The following BCKDHB variants were observed in gnomAD, a reference collection of about 807,000 sequenced individuals.
BCKDHB encodes 2-oxoisovalerate dehydrogenase subunit beta, mitochondrial.
A neutral mutation model predicts 48.5 loss-of-function variants in BCKDHB; 41 were observed. The ratio of observed to expected loss-of-function variants is 0.85; its 90% CI spans 0.66 to 1.10. The LOEUF is 1.10. Ranked by LOEUF, BCKDHB falls within the 50% of genes least tolerant of loss-of-function variation. The probability of loss-of-function intolerance (pLI) is 0.00; values close to 1 mark genes in which losing one functional copy is unlikely to be tolerated. For synonymous variants in BCKDHB, 201 were observed against 174.8 expected (o/e 1.15, Z -1.18); for missense variants, 496 against 494.2 (o/e 1.00, Z -0.03).
downstream of BCKDHB, among the ~76,000 whole-genome samples, chr6:80,350,151 A>C (rs1291683894): frequency 6.6e-6 from 1 of 152,120 alleles, no homozygotes; most frequent in East Asian, 1.9e-4. Flanking sequence ...GAAACTGTGG[A>C]GCCAAGAAGG....
At chr6:80,175,955 C>G (rs944845619) in intron 6 of BCKDHB, among the ~76,000 whole-genome samples, 2 of 152,114 alleles carry the variant, frequency 1.3e-5, no homozygotes, top group Non-Finnish European at 2.9e-5. Context: ...GGAACAAGAA[C>G]AAAATAGAAC....
intron 6 of BCKDHB, among the ~76,000 whole-genome samples, chr6:80,192,738 A>C (rs1773954438): frequency 6.6e-6 from 1 of 152,120 alleles, no homozygotes; most frequent in Admixed American, 6.6e-5. Flanking sequence ...AGACAGGGAA[A>C]TGTAATGAAG....
In BCKDHB at chr6:80,344,152, C is replaced by T. The variant is rs1770068380; in HGVS notation, c.*348C>T. The T allele has an allele frequency of 6.5e-6, 2 of 308,542 alleles. No homozygotes were observed. Among genetic ancestry groups the T allele is most frequent in the South Asian group, 6.0e-5 (2 of 33,342 alleles). 19.1% of individuals were successfully genotyped at this position (308,542 alleles called of 1,614,324 possible). A position where few individuals can be genotyped will look rare whatever the true frequency, so the allele number is the denominator to read the frequency against. On this transcript the variant is annotated 3_prime_UTR_variant, in exon 10 of 10. Transcript: ENST00000320393. ...GCTGAGTAGTTGGGATTACAGGCGCCCACCACCATGCCCAGCTAATTTTTG... is the reference window on the plus strand; with the variant it reads ...GCTGAGTAGTTGGGATTACAGGCGCTCACCACCATGCCCAGCTAATTTTTG...
At chr6:80,414,359 T>C in the BCKDHB span, among the ~76,000 whole-genome samples, 3 of 152,092 alleles carry the variant, frequency 2.0e-5, no homozygotes, top group Non-Finnish European at 2.9e-5. Flanking sequence ...CTTCAGGAAA[T>C]ATTTTTCAGT....
At chr6:80,347,302 G>A (rs578246728), downstream of BCKDHB, among the ~76,000 whole-genome samples, 4 of 152,332 alleles carry the variant, frequency 2.6e-5, no homozygotes, top group African/African-American at 9.6e-5. Flanking sequence ...TCAGCAACAA[G>A]TTTGGAAAAG....
At chr6:80,246,371 A>ATCC (rs1391202701) in intron 8 of BCKDHB, among the ~76,000 whole-genome samples, 4 of 152,240 alleles carry the variant, frequency 2.6e-5, no homozygotes, top group Non-Finnish European at 5.9e-5. Flanking sequence ...TCTTCATGTT[A>ATCC]TCCTGCATTG....
At chr6:80,456,310 C>T in the BCKDHB span, among the ~76,000 whole-genome samples, 1 of 151,850 alleles carries the variant, frequency 6.6e-6, no homozygotes, top group African/African-American at 2.4e-5. Flanking sequence ...GATGTCCATA[C>T]GTTGAATAAA....
intron 9 of BCKDHB, among the ~76,000 whole-genome samples, chr6:80,322,508 A>G (rs1221598174): frequency 1.3e-5 from 2 of 152,118 alleles, no homozygotes; most frequent in Non-Finnish European, 2.9e-5. Context: ...AAGTGCTGGG[A>G]TTACAGGCAT....
chr6:80,198,316 C>G (rs1304323082), intron 6 of BCKDHB, among the ~76,000 whole-genome samples: 1 of 152,168 alleles, frequency 6.6e-6, no homozygotes, highest in Admixed American at 6.5e-5. Flanking sequence ...TTGGGAGCTA[C>G]ACAAAAACTT....
the BCKDHB span, among the ~76,000 whole-genome samples, chr6:80,450,005 C>A: frequency 6.6e-6 from 1 of 151,934 alleles, no homozygotes; most frequent in Non-Finnish European, 1.5e-5. Flanking sequence ...AACTCATGGA[C>A]TTTCATATGA....
chr6:80,198,594 G>A (rs1351750825), intron 6 of BCKDHB, among the ~76,000 whole-genome samples: 1 of 152,106 alleles, frequency 6.6e-6, no homozygotes, highest in Non-Finnish European at 1.5e-5. Flanking sequence ...ACATTTAATA[G>A]TTTTTACTTA....
rs1185260199 is a variant in BCKDHB, at chr6:80,234,857, C to T, written c.951+31645C>T. Among the ~76,000 whole-genome samples, 3 of 151,834 alleles carry T rather than the reference C, an allele frequency of 2.0e-5. No individual in the cohort carries two copies. In the South Asian group the frequency reaches 6.2e-4, roughly 32 times the overall value. The stretch of plus-strand genomic sequence containing the variant: ...TATATATATATATTAGACTATTATT[C>T]AGCCATAGAAAAGAATGAAATCCTG... On this transcript the variant is annotated intron_variant, in intron 8 of 9. Transcript: ENST00000320393.
chr6:80,339,207 A>T (rs3828746), intron 9 of BCKDHB, among the ~76,000 whole-genome samples: 1 of 151,656 alleles, frequency 6.6e-6, no homozygotes, highest in Admixed American at 6.6e-5. Flanking sequence ...TTATGGACAC[A>T]TAATATGTAA....
intron 3 of BCKDHB, among the ~76,000 whole-genome samples, chr6:80,148,474 G>C (rs1582234243): frequency 6.6e-6 from 1 of 151,994 alleles, no homozygotes; most frequent in South Asian, 2.1e-4. Context: ...AGCTCTGCTG[G>C]TTTTACTTTG....
chr6:80,106,934 C>G (rs779102313), intron 1 of BCKDHB, 45 bp downstream of exon 1: 11 of 1,567,922 alleles, frequency 7.0e-6, no homozygotes, highest in Middle Eastern at 2.1e-4. Flanking sequence ...AGCCCGGACT[C>G]CCAGGCTCGC....
chr6:80,196,751 A>G (rs1774147905), intron 6 of BCKDHB, among the ~76,000 whole-genome samples: 3 of 152,222 alleles, frequency 2.0e-5, no homozygotes. Context: ...AGGATGGGAA[A>G]TAGAATGGGG....
chr6:80,342,556 G>GGAAAAA (rs1554216141), intron 9 of BCKDHB, among the ~76,000 whole-genome samples: 4 of 24,092 alleles, frequency 1.7e-4, no homozygotes, highest in African/African-American at 6.5e-4. Flanking sequence ...CCTCATTTCT[G>GGAAAAA]AAAAAAAAAA....
chr6:80,203,786 A>G (rs1232739496), intron 8 of BCKDHB, among the ~76,000 whole-genome samples: 1 of 152,066 alleles, frequency 6.6e-6, no homozygotes, highest in East Asian at 1.9e-4. Context: ...TGTTTTTACT[A>G]TTAAGATTTA....
intron 9 of BCKDHB, among the ~76,000 whole-genome samples, chr6:80,333,090 C>G (rs528926297): frequency 9.8e-5 from 15 of 152,308 alleles, no homozygotes; most frequent in African/African-American, 3.6e-4. Context: ...CATAAACATG[C>G]AGATAATTCT....
Sources: allele counts gnomAD v4.1 joint callset (sites outside exome capture counted in the v4.1 genomes callset), GRCh38; gene constraint gnomAD v4.1.1; transcripts MANE v1.5; gene names NCBI Gene and HGNC (gene_info 2026-07-23, HGNC 2026-07-21).